Variants in NPR3 observed in about 807,000 individuals in gnomAD.
NPR3 encodes natriuretic peptide receptor 3.
NPR3 carries 34 observed loss-of-function variants against 54.5 expected under a neutral mutation model. The observed-to-expected ratio is 0.62, with a 90% CI of 0.47 to 0.83. The LOEUF is 0.83. Among genes scored for constraint, NPR3 ranks in the 40% least tolerant of loss-of-function variants. The probability of loss-of-function intolerance (pLI) is 0.00; values close to 1 mark genes in which losing one functional copy is unlikely to be tolerated. For synonymous variants in NPR3, 289 were observed against 297.1 expected (o/e 0.97, Z 0.28); for missense variants, 674 against 720.8 (o/e 0.94, Z 0.74).
chr5:32,789,362 T>C lies in NPR3; in HGVS notation c.*3017T>C, dbSNP rs1742789938. 1 of 452,122 alleles carries C rather than the reference T, an allele frequency of 2.2e-6. No homozygotes were observed. 28.0% of individuals were successfully genotyped at this position (452,122 alleles called of 1,614,324 possible). ...ACTTCAATCTGGAAAGAATTTTTTG[T>C]ATAGAGTCCATCTCTCCCTCAAGAC... On this transcript the variant is annotated 3_prime_UTR_variant, in exon 8 of 8. Coordinates refer to ENST00000265074, the MANE Select transcript of NPR3 (RefSeq NM_001204375.2).
At chr5:32,784,156 G>T (rs1047418561) in intron 6 of NPR3, among the ~76,000 whole-genome samples, 2 of 151,996 alleles carry the variant, frequency 1.3e-5, no homozygotes, top group Admixed American at 6.6e-5. Flanking sequence ...AGAAGCCCTG[G>T]GTCAGTGCCC....
At position 32,702,530 on chromosome 5, in the gene NPR3, C is replaced by T. The variant is rs146559021; in HGVS notation, c.100+13344C>T. ...CGGTGTTTGGTTTTTTTTGTCCTTACGATAGTTTACTGAGAATGATGATTT... is the reference window on the plus strand; with the variant it reads ...CGGTGTTTGGTTTTTTTTGTCCTTATGATAGTTTACTGAGAATGATGATTT... On this transcript the variant is annotated intron_variant, in intron 1 of 5. Transcript: ENST00000509104. Among the ~76,000 whole-genome samples, 519 of 150,882 alleles carry T rather than the reference C, an allele frequency of 3.4e-3. 2 individuals are homozygous for T. Among genetic ancestry groups the T allele is most frequent in the African/African-American group, 0.011 (472 of 41,138 alleles).
Position 32,791,466 on chromosome 5 carries a change from C to G in NPR3, c.*5121C>G, listed in dbSNP as rs776595155. On this transcript the variant is annotated 3_prime_UTR_variant, in exon 8 of 8. Transcript: ENST00000265074. The stretch of plus-strand genomic sequence containing the variant: ...TACTGTTTATTGTTCTAATGTACAA[C>G]TAACTATTTGCATATAATGTGATTT... 2 of 166,906 alleles carry G rather than the reference C, an allele frequency of 1.2e-5. No homozygotes were observed. Among genetic ancestry groups the G allele is most frequent in the Non-Finnish European group, 1.5e-5 (1 of 68,050 alleles). 10.3% of individuals were successfully genotyped at this position (166,906 alleles called of 1,614,324 possible). A position where few individuals can be genotyped will look rare whatever the true frequency, so the allele number is the denominator to read the frequency against.
intron 1 of NPR3, among the ~76,000 whole-genome samples, chr5:32,703,935 A>G (rs1034399924): frequency 1.3e-5 from 2 of 152,170 alleles, no homozygotes; most frequent in African/African-American, 4.8e-5. Flanking sequence ...CTTGCCCACA[A>G]ATTGCAGTCC....
chr5:32,782,890 T>C lies in NPR3; in HGVS notation c.1291-3T>C, dbSNP rs757070039. 9.3e-6 allele frequency: 15 copies of C among 1,607,592 alleles called. No homozygotes were observed. The highest frequency in any genetic ancestry group is 1.3e-5 in the Non-Finnish European group (15 of 1,177,258). On this transcript the variant is annotated splice_polypyrimidine_tract_variant and splice_region_variant and intron_variant, in intron 5 of 7. Coordinates refer to ENST00000265074, the MANE Select transcript of NPR3 (RefSeq NM_001204375.2). ...TGTCTATTTGTTTTTTGCCTCTATA[T>C]AGGTTATTGGTGATTATTTTGGAAA...
At chr5:32,749,773 A>G (rs146092696) in intron 3 of NPR3, among the ~76,000 whole-genome samples, 3 of 152,256 alleles carry the variant, frequency 2.0e-5, no homozygotes, top group Non-Finnish European at 1.5e-5. Context: ...TATGCCTGGT[A>G]CCTTCCTGTT....
At chr5:32,730,705 A>T (rs554718453) in intron 2 of NPR3, among the ~76,000 whole-genome samples, 1 of 152,348 alleles carries the variant, frequency 6.6e-6, no homozygotes, top group South Asian at 2.1e-4. Context: ...CAAAATCAAC[A>T]ATATAATATC....
chr5:32,758,507 G>A (rs889058234), intron 3 of NPR3, among the ~76,000 whole-genome samples: 1 of 151,974 alleles, frequency 6.6e-6, no homozygotes, highest in Non-Finnish European at 1.5e-5. Flanking sequence ...TTCTTTATTA[G>A]TCTTGCTAGT....
rs1207540178 is a variant in NPR3, at chr5:32,712,179, G to C, written c.403G>C (p.Val135Leu). 1.4e-5 allele frequency: 23 copies of C among 1,613,156 alleles called. No homozygotes were observed. Among genetic ancestry groups the C allele is most frequent in the Non-Finnish European group, 1.9e-5 (23 of 1,179,772 alleles). The change falls in exon 1 of 8, where the codon GTG becomes CTG. Residue 135 changes from valine (V) to leucine (L), a missense_variant. Transcript: ENST00000265074. Reference protein sequence around the residue: ...GAKPDLILGPVCEYAAAPVAR... With the variant: ...GAKPDLILGPLCEYAAAPVAR... ...CAAGCCAGACCTTATCCTGGGGCCA[G>C]TGTGCGAGTATGCAGCAGCGCCAGT... is the stretch of plus-strand genomic sequence containing the variant.
chr5:32,785,374 C>G (rs1325866057), intron 7 of NPR3, among the ~76,000 whole-genome samples: 3 of 152,020 alleles, frequency 2.0e-5, no homozygotes, highest in Non-Finnish European at 4.4e-5. Context: ...TGGTCTTGAA[C>G]TCCTGACCTC....
chr5:32,711,260 G>T (rs2111836448), upstream of NPR3: 1 of 917,548 alleles, frequency 1.1e-6, no homozygotes, highest in South Asian at 5.2e-5. Flanking sequence ...GGCGCGCCAT[G>T]TGTGGTAACA....
chr5:32,693,609 C>T (rs554960777), intron 1 of NPR3, among the ~76,000 whole-genome samples: 1 of 152,228 alleles, frequency 6.6e-6, no homozygotes, highest in South Asian at 2.1e-4. Flanking sequence ...AGCATATTTG[C>T]CTGCTGTAAC....
At chr5:32,764,815 A>T (rs929100986) in intron 3 of NPR3, among the ~76,000 whole-genome samples, 2 of 146,892 alleles carry the variant, frequency 1.4e-5, no homozygotes, top group South Asian at 2.2e-4. Flanking sequence ...AAAAAAAAAA[A>T]AGAATTTGTC....
chr5:32,737,784 A>G (rs912053374), intron 2 of NPR3, among the ~76,000 whole-genome samples: 1 of 152,182 alleles, frequency 6.6e-6, no homozygotes. Flanking sequence ...GAGACCTGTG[A>G]AACACTGGGA....
At position 32,711,808 on chromosome 5, in the gene NPR3, C is replaced by T. The variant is rs1738249813; in HGVS notation, c.32C>T (p.Pro11Leu). 1.4e-6 allele frequency: 2 copies of T among 1,446,194 alleles called. No individual in the cohort carries two copies. The highest frequency in any genetic ancestry group is 1.5e-5 in the South Asian group (1 of 66,706). 89.6% of individuals were successfully genotyped at this position (1,446,194 alleles called of 1,614,324 possible). The change falls in exon 1 of 8, where the codon CCG (proline) becomes CTG (leucine). Residue 11 changes from proline to leucine, a missense_variant. Physicochemically the swap from Pro to Leu is moderately conservative, Grantham distance 98. Coordinates refer to ENST00000265074, the MANE Select transcript of NPR3 (RefSeq NM_001204375.2). ...TCTCTGCTGGTGCTCACTTTCTCCC[C>T]GTGCGTACTACTCGGCTGGGCGTTG... MPSLLVLTFS[P>L]CVLLGWALLA...
At chr5:32,753,742 G>C (rs1740695460) in intron 3 of NPR3, among the ~76,000 whole-genome samples, 1 of 150,956 alleles carries the variant, frequency 6.6e-6, no homozygotes, top group Non-Finnish European at 1.5e-5. Context: ...ACCTGGAAAA[G>C]GAAGGCTTAA....
upstream of NPR3, among the ~76,000 whole-genome samples, chr5:32,709,119 G>C (rs1738083833): frequency 6.6e-6 from 1 of 152,028 alleles, no homozygotes; most frequent in Admixed American, 6.6e-5. Flanking sequence ...TCTGGGATGG[G>C]ACAGGCGTTC....
intron 2 of NPR3, among the ~76,000 whole-genome samples, chr5:32,736,242 A>G (rs1276134960): frequency 6.7e-6 from 1 of 148,186 alleles, no homozygotes; most frequent in Non-Finnish European, 1.5e-5. Context: ...AAAAAAAAAA[A>G]AAAAAAGAAA....
intron 5 of NPR3, among the ~76,000 whole-genome samples, chr5:32,782,488 G>C (rs911420810): frequency 6.6e-6 from 1 of 152,132 alleles, no homozygotes; most frequent in Non-Finnish European, 1.5e-5. Context: ...CCTTTTCCAC[G>C]AGGGGGTAGT....
Sources: allele counts gnomAD v4.1 joint callset (sites outside exome capture counted in the v4.1 genomes callset), GRCh38; gene constraint gnomAD v4.1.1; transcripts MANE v1.5; gene names NCBI Gene and HGNC (gene_info 2026-07-23, HGNC 2026-07-21).